Variants in INSYN2B observed in about 807,000 individuals in gnomAD.
INSYN2B encodes the protein protein INSYN2B.
A neutral mutation model predicts 41.2 loss-of-function variants in INSYN2B; 16 were observed. That is an observed-to-expected ratio of 0.39 (90% CI 0.26 to 0.59). The LOEUF (loss-of-function observed/expected upper bound fraction) is 0.59, where lower values mean the gene tolerates loss of function less well. Ranked by LOEUF, INSYN2B falls within the 20% of genes least tolerant of loss-of-function variation. INSYN2B has a pLI of 0.57. For synonymous variants in INSYN2B, 245 were observed against 244.4 expected (o/e 1.00, Z -0.02); for missense variants, 608 against 646.4 (o/e 0.94, Z 0.64).
intron 1 of INSYN2B, among the ~76,000 whole-genome samples, chr5:169,940,869 G>C (rs1776215502): frequency 6.6e-6 from 1 of 152,204 alleles, no homozygotes; most frequent in Admixed American, 6.5e-5. Context: ...TCCAGGTGTT[G>C]GGGACCCCAG....
At chr5:169,939,372 C>T (rs778755214) in intron 1 of INSYN2B, among the ~76,000 whole-genome samples, 6 of 152,154 alleles carry the variant, frequency 3.9e-5, no homozygotes, top group Non-Finnish European at 7.4e-5. Flanking sequence ...GAATTTGTCA[C>T]CTCCTATAAC....
intron 1 of INSYN2B, among the ~76,000 whole-genome samples, chr5:169,888,538 G>A (rs1052676383): frequency 3.3e-5 from 5 of 152,178 alleles, no homozygotes; most frequent in Admixed American, 6.5e-5. Flanking sequence ...AGAAACATTG[G>A]ACAATATCTC....
At chr5:169,947,250 A>G (rs960950003) in intron 1 of INSYN2B, among the ~76,000 whole-genome samples, 2 of 152,240 alleles carry the variant, frequency 1.3e-5, no homozygotes, top group Admixed American at 6.5e-5. Flanking sequence ...CAGTCACTGC[A>G]AACTCACTTG....
At chr5:169,881,876 CTTCT>C (rs1772675242) in intron 2 of INSYN2B, among the ~76,000 whole-genome samples, 1 of 152,202 alleles carries the variant, frequency 6.6e-6, no homozygotes, top group South Asian at 2.1e-4. Context: ...GCCATTGCTT[CTTCT>C]TTGTCTTTAG....
In INSYN2B at chr5:169,877,991, A is replaced by G. The variant is rs556407738; in HGVS notation, c.1421+3377T>C. ...CTCTTATTATTTTCCTTTAAAACAT[A>G]TTGGAGACATTTTACAACTGAAACC... On this transcript the variant is annotated intron_variant, in intron 3 of 3. Coordinates refer to ENST00000377365, the MANE Select transcript of INSYN2B (RefSeq NM_001129891.3). Among the ~76,000 whole-genome samples, 6 of 152,342 alleles carry G rather than the reference A, an allele frequency of 3.9e-5. No homozygotes were observed. In the South Asian group the frequency reaches 1.2e-3, roughly 32 times the overall value.
chr5:169,880,543 T>C (rs987781521), intron 3 of INSYN2B, among the ~76,000 whole-genome samples: 2 of 152,246 alleles, frequency 1.3e-5, no homozygotes, highest in Non-Finnish European at 2.9e-5. Flanking sequence ...ACCACTTTTC[T>C]ACTATGCCAT....
At chr5:169,971,101 C>T (rs1414352445) in intron 1 of INSYN2B, among the ~76,000 whole-genome samples, 5 of 150,868 alleles carry the variant, frequency 3.3e-5, no homozygotes, top group Admixed American at 6.6e-5. Context: ...GGATGGTAAT[C>T]GGGAGGTGTT....
chr5:169,927,296 G>A (rs916911835), intron 1 of INSYN2B, among the ~76,000 whole-genome samples: 5 of 152,166 alleles, frequency 3.3e-5, no homozygotes, highest in Non-Finnish European at 5.9e-5. Context: ...CCACAGTAAG[G>A]GGGTTGAGTT....
rs191130044 is a variant in INSYN2B, at chr5:169,902,671, C to T, written c.-918-17855G>A. 1.9e-3 allele frequency among the ~76,000 whole-genome samples: 293 copies of T among 152,296 alleles called. 3 individuals are homozygous for T. Among genetic ancestry groups the T allele is most frequent in the Non-Finnish European group, 4.4e-4 (30 of 68,030 alleles). ...CTGAGTGTTCCACAGAGAGGGAAGC[C>T]TCATTCCTGACTGTATTTTTTCCTC... On this transcript the variant is annotated intron_variant, in intron 1 of 3. Coordinates refer to ENST00000377365, the MANE Select transcript of INSYN2B (RefSeq NM_001129891.3).
At chr5:169,978,290 TTTTG>T (rs1373168990) in intron 1 of INSYN2B, among the ~76,000 whole-genome samples, 1 of 149,802 alleles carries the variant, frequency 6.7e-6, no homozygotes, top group Non-Finnish European at 1.5e-5. Flanking sequence ...CTCGCCCCTA[TTTTG>T]TTTGTTTGTT....
At chr5:169,877,120 A>C (rs1013579904) in intron 3 of INSYN2B, among the ~76,000 whole-genome samples, 1 of 152,238 alleles carries the variant, frequency 6.6e-6, no homozygotes, top group African/African-American at 2.4e-5. Context: ...CACACAAAGC[A>C]GGGCAGAAAA....
intron 3 of INSYN2B, among the ~76,000 whole-genome samples, chr5:169,878,426 A>G (rs1772452174): frequency 6.6e-6 from 1 of 152,250 alleles, no homozygotes; most frequent in South Asian, 2.1e-4. Flanking sequence ...AATTACAAAA[A>G]GTATTTAAAA....
intron 1 of INSYN2B, among the ~76,000 whole-genome samples, chr5:169,969,093 T>G (rs1777405299): frequency 6.6e-6 from 1 of 152,074 alleles, no homozygotes; most frequent in Non-Finnish European, 1.5e-5. Context: ...AAGGCTACAG[T>G]GAGCCATGAT....
intron 1 of INSYN2B, among the ~76,000 whole-genome samples, chr5:169,911,902 A>G (rs1774617028): frequency 6.6e-6 from 1 of 152,172 alleles, no homozygotes; most frequent in African/African-American, 2.4e-5. Context: ...CATCTTCACT[A>G]CCAGAGTCTC....
At chr5:169,951,414 A>G (rs1776658735) in intron 1 of INSYN2B, among the ~76,000 whole-genome samples, 1 of 152,160 alleles carries the variant, frequency 6.6e-6, no homozygotes, top group Non-Finnish European at 1.5e-5. Flanking sequence ...GATCTTCTGG[A>G]TACCATTGCA....
At chr5:169,891,948 A>T (rs967746217) in intron 1 of INSYN2B, among the ~76,000 whole-genome samples, 13 of 147,170 alleles carry the variant, frequency 8.8e-5, no homozygotes, top group Non-Finnish European at 1.8e-4. Flanking sequence ...GTGAGCCGAG[A>T]TTGTGCCATT....
intron 1 of INSYN2B, among the ~76,000 whole-genome samples, chr5:169,903,001 G>A (rs981164972): frequency 2.0e-5 from 3 of 152,096 alleles, no homozygotes; most frequent in Middle Eastern, 3.2e-3. Flanking sequence ...GGGAGGCTGA[G>A]GCAGGAGAAT....
At chr5:169,963,301 C>T (rs994811375) in intron 1 of INSYN2B, among the ~76,000 whole-genome samples, 1 of 152,096 alleles carries the variant, frequency 6.6e-6, no homozygotes, top group Non-Finnish European at 1.5e-5. Context: ...CAAATTAAAT[C>T]CAACCCACAG....
chr5:169,940,305 A>T (rs1291485662), intron 1 of INSYN2B, among the ~76,000 whole-genome samples: 1 of 152,198 alleles, frequency 6.6e-6, no homozygotes, highest in African/African-American at 2.4e-5. Flanking sequence ...CTCAGCAGAC[A>T]TTTAGCAGTG....
Sources: allele counts gnomAD v4.1 joint callset (sites outside exome capture counted in the v4.1 genomes callset), GRCh38; gene constraint gnomAD v4.1.1; transcripts MANE v1.5; gene names NCBI Gene and HGNC (gene_info 2026-07-23, HGNC 2026-07-21).